SHISA9: variants seen among roughly 807,000 people sequenced by gnomAD.
SHISA9 encodes the protein protein shisa-9.
Under a neutral mutation model 38.0 loss-of-function variants are expected in SHISA9, and 13 were observed. The ratio of observed to expected loss-of-function variants is 0.34; its 90% CI spans 0.22 to 0.54. SHISA9 has a LOEUF of 0.54. SHISA9 is among the 20% of genes least tolerant of loss of function. The pLI is 0.91. For missense variants in SHISA9, 538 were observed against 575.8 expected (o/e 0.93, Z 0.67); for synonymous variants, 275 against 242.0 (o/e 1.14, Z -1.27).
chr16:12,974,162 A>G (rs1041017149), intron 2 of SHISA9, among the ~76,000 whole-genome samples: 2 of 152,132 alleles, frequency 1.3e-5, no homozygotes, highest in African/African-American at 4.8e-5. Context: ...ATGAAGTCCT[A>G]TCTAGCGTCC....
chr16:12,913,934 G>A (rs573780263), intron 1 of SHISA9, among the ~76,000 whole-genome samples: 4 of 151,930 alleles, frequency 2.6e-5, no homozygotes, highest in African/African-American at 4.8e-5. Context: ...GGTTGTTTCC[G>A]CTTGTTGGCT....
At chr16:13,310,960 G>A in the SHISA9 span, among the ~76,000 whole-genome samples, 1 of 152,038 alleles carries the variant, frequency 6.6e-6, no homozygotes, top group East Asian at 1.9e-4. Flanking sequence ...GGTATTACAG[G>A]CGTGAGCCAC....
At chr16:13,459,622 A>G in the SHISA9 span, among the ~76,000 whole-genome samples, 81 of 152,200 alleles carry the variant, frequency 5.3e-4, no homozygotes, top group African/African-American at 1.9e-3. Flanking sequence ...TTTTTATCAG[A>G]TGGGTAAAGT....
the SHISA9 span, among the ~76,000 whole-genome samples, chr16:13,399,932 A>G: frequency 6.6e-6 from 1 of 152,318 alleles, no homozygotes; most frequent in Non-Finnish European, 1.5e-5. Flanking sequence ...TTTGGCTGTT[A>G]TGATGTTTAC....
the SHISA9 span, among the ~76,000 whole-genome samples, chr16:13,300,584 C>T: frequency 7.9e-5 from 12 of 152,158 alleles, no homozygotes; most frequent in Admixed American, 5.9e-4. Context: ...CTGCCATGAA[C>T]GAATTTAATT....
chr16:13,090,737 G>A (rs2073766266), intron 2 of SHISA9, among the ~76,000 whole-genome samples: 1 of 152,182 alleles, frequency 6.6e-6, no homozygotes, highest in South Asian at 2.1e-4. Context: ...GCACACAGAT[G>A]GGTCTTGATT....
chr16:13,472,116 CTT>C, the SHISA9 span, among the ~76,000 whole-genome samples: 1 of 152,150 alleles, frequency 6.6e-6, no homozygotes, highest in Non-Finnish European at 1.5e-5. Context: ...TGTTCTGACT[CTT>C]TAAGTGGGCT....
chr16:13,368,766 G>C, the SHISA9 span, among the ~76,000 whole-genome samples: 1 of 151,462 alleles, frequency 6.6e-6, no homozygotes, highest in Admixed American at 6.6e-5. Flanking sequence ...CTGGGATATG[G>C]AAATAAAATA....
chr16:13,369,111 T>C, the SHISA9 span, among the ~76,000 whole-genome samples: 2 of 152,220 alleles, frequency 1.3e-5, no homozygotes, highest in Non-Finnish European at 2.9e-5. Flanking sequence ...ATGTCAAATT[T>C]AAAAAAGCAA....
chr16:13,197,126 C>CAG (rs1555470439), intron 2 of SHISA9, among the ~76,000 whole-genome samples: 147 of 150,246 alleles, frequency 9.8e-4, no homozygotes, highest in African/African-American at 2.5e-3. Flanking sequence ...CACACACACA[C>CAG]ACACACACAC....
the SHISA9 span, chr16:13,562,974 C>T: frequency 0.14 from 21,427 of 151,908 alleles, 1,919 homozygotes; most frequent in African/African-American, 0.24. Flanking sequence ...TTTGGTGGAA[C>T]GTAAAGTGTT....
chr16:13,525,479 G>C, the SHISA9 span, among the ~76,000 whole-genome samples: 1 of 152,152 alleles, frequency 6.6e-6, no homozygotes, highest in Admixed American at 6.5e-5. Flanking sequence ...ATGAAATAGA[G>C]CTAAGAACAA....
intron 2 of SHISA9, among the ~76,000 whole-genome samples, chr16:12,917,508 AC>A (rs2071273781): frequency 6.6e-6 from 1 of 152,182 alleles, no homozygotes; most frequent in Non-Finnish European, 1.5e-5. Flanking sequence ...ACAGAGCATG[AC>A]TGGGGATCTT....
chr16:12,917,604 T>C (rs1205661031), intron 2 of SHISA9, among the ~76,000 whole-genome samples: 1 of 152,240 alleles, frequency 6.6e-6, no homozygotes, highest in Admixed American at 6.5e-5. Context: ...CCTATGAGAC[T>C]GGAGAAAAAA....
At chr16:12,904,620 G>C (rs1316413677) in intron 1 of SHISA9, among the ~76,000 whole-genome samples, 2 of 152,160 alleles carry the variant, frequency 1.3e-5, no homozygotes, top group African/African-American at 4.8e-5. Flanking sequence ...AGGGGACCCA[G>C]TCCTAGGGTA....
intron 2 of SHISA9, among the ~76,000 whole-genome samples, chr16:13,054,677 T>C (rs2073289848): frequency 6.6e-6 from 1 of 152,214 alleles, no homozygotes; most frequent in Admixed American, 6.5e-5. Context: ...GAATACCTCG[T>C]ATGCAGAGGG....
rs1375905057 is a variant in SHISA9 at position 13,239,537 on chromosome 16, C to T, written c.*4128C>T. 3.0e-4 allele frequency: 46 copies of T among 151,894 alleles called. No individual in the cohort carries two copies. The highest frequency in any genetic ancestry group is 6.8e-3 in the Middle Eastern group (2 of 294). The allele number at this position is 151,894 out of a possible 1,614,324, so 9.4% of individuals were successfully genotyped here. On this transcript the variant is annotated 3_prime_UTR_variant, in exon 5 of 5. Coordinates refer to ENST00000558583, the MANE Select transcript of SHISA9 (RefSeq NM_001145204.3). Reference sequence around the variant, plus strand: ...TTTTAATGATTGCCATTCTAACTGGCGTGAGATGGTATCTCATTGTGGTTT... The same window carrying T: ...TTTTAATGATTGCCATTCTAACTGGTGTGAGATGGTATCTCATTGTGGTTT...
the SHISA9 span, among the ~76,000 whole-genome samples, chr16:13,462,441 A>G: frequency 2.3e-3 from 346 of 152,334 alleles, no homozygotes; most frequent in African/African-American, 7.8e-3. Flanking sequence ...GTGAAGGATT[A>G]GGTGAGGCCT....
At chr16:13,187,868 C>G (rs951141477) in intron 2 of SHISA9, among the ~76,000 whole-genome samples, 13 of 152,080 alleles carry the variant, frequency 8.5e-5, no homozygotes, top group African/African-American at 3.1e-4. Context: ...CAGCTTCAAC[C>G]TAGATGATGC....
Sources: allele counts gnomAD v4.1 joint callset (sites outside exome capture counted in the v4.1 genomes callset), GRCh38; gene constraint gnomAD v4.1.1; transcripts MANE v1.5; gene names NCBI Gene and HGNC (gene_info 2026-07-23, HGNC 2026-07-21).